Variants in ATRNL1 observed in about 807,000 individuals in gnomAD.
ATRNL1 encodes attractin-like protein 1.
Under a neutral mutation model 182.7 loss-of-function variants are expected in ATRNL1, and 95 were observed. The ratio of observed to expected loss-of-function variants is 0.52; its 90% CI spans 0.44 to 0.62. The LOEUF is 0.62. Ranked by LOEUF, ATRNL1 falls within the 20% of genes least tolerant of loss-of-function variation. The probability of loss-of-function intolerance (pLI) is 0.00; values close to 1 mark genes in which losing one functional copy is unlikely to be tolerated. For synonymous variants in ATRNL1, 576 were observed against 568.3 expected (o/e 1.01, Z -0.19); for missense variants, 1,471 against 1,679.5 (o/e 0.88, Z 2.17).
intron 9 of ATRNL1, among the ~76,000 whole-genome samples, chr10:115,237,404 G>A (rs1850232958): frequency 6.6e-6 from 1 of 152,164 alleles, no homozygotes; most frequent in Non-Finnish European, 1.5e-5. Flanking sequence ...TCTTTTGTCA[G>A]CATTTTAGAT....
chr10:115,742,377 A>G (rs1254054331), intron 27 of ATRNL1, among the ~76,000 whole-genome samples: 1 of 152,152 alleles, frequency 6.6e-6, no homozygotes, highest in Non-Finnish European at 1.5e-5. Context: ...TTATGGGTAA[A>G]GATGAAAGTA....
intron 27 of ATRNL1, among the ~76,000 whole-genome samples, chr10:115,738,126 ATTTTTTT>A (rs10546896): frequency 6.6e-4 from 31 of 47,112 alleles, no homozygotes; most frequent in East Asian, 2.6e-3. Context: ...GAAGATAATG[ATTTTTTT>A]TTTTTTTTTT....
chr10:115,118,430 A>G (rs1007164523), intron 1 of ATRNL1, among the ~76,000 whole-genome samples: 2 of 152,116 alleles, frequency 1.3e-5, no homozygotes, highest in African/African-American at 2.4e-5. Flanking sequence ...AGTACCATGT[A>G]TCTTCTGTTA....
rs139094953 is a variant in ATRNL1 at position 115,826,640 on chromosome 10, G to A, written c.3904-21237G>A. 7.4e-3 allele frequency among the ~76,000 whole-genome samples: 1,123 copies of A among 152,302 alleles called. 16 individuals are homozygous for A. The highest frequency in any genetic ancestry group is 0.026 in the African/African-American group (1,063 of 41,578). The stretch of plus-strand genomic sequence containing the variant: ...GGAATGAAGTCACGGACACCGGAGA[G>A]CGAGTAAGGCAGAATAGAATTTTAT... On this transcript the variant is annotated intron_variant, in intron 27 of 28. Transcript: ENST00000355044.
chr10:115,246,625 A>T lies in ATRNL1; in HGVS notation c.1687+4900A>T, dbSNP rs1242896080. Reference sequence around the variant, plus strand: ...TCGGACTGCGGACTGCAGTAGCGCAATCTCGGCTCACTGCAAGCTCCACTT... The same window carrying T: ...TCGGACTGCGGACTGCAGTAGCGCATTCTCGGCTCACTGCAAGCTCCACTT... On this transcript the variant is annotated intron_variant, in intron 10 of 28. Coordinates refer to ENST00000355044, the MANE Select transcript of ATRNL1 (RefSeq NM_207303.4). Among the ~76,000 whole-genome samples the T allele has an allele frequency of 4.0e-5, 5 of 125,608 alleles. 1 individual carries two copies. The highest frequency in any genetic ancestry group is 8.6e-5 in the Non-Finnish European group (5 of 58,000). 82.4% of individuals were successfully genotyped at this position (125,608 alleles called of 152,430 possible). A position where few individuals can be genotyped will look rare whatever the true frequency, so the allele number is the denominator to read the frequency against.
intron 28 of ATRNL1, among the ~76,000 whole-genome samples, chr10:115,904,100 G>A (rs1952432816): frequency 6.6e-6 from 1 of 152,126 alleles, no homozygotes; most frequent in Non-Finnish European, 1.5e-5. Context: ...TGATTGGGTA[G>A]CATGGTGCAG....
intron 27 of ATRNL1, among the ~76,000 whole-genome samples, chr10:115,754,907 A>T (rs574675469): frequency 9.9e-5 from 15 of 152,106 alleles, no homozygotes; most frequent in African/African-American, 3.6e-4. Flanking sequence ...TTGTTTTCCT[A>T]GGTATTTTAT....
intron 24 of ATRNL1, among the ~76,000 whole-genome samples, chr10:115,501,818 A>G (rs990710945): frequency 6.6e-6 from 1 of 152,170 alleles, no homozygotes. Flanking sequence ...CAGTCCATGC[A>G]GTTAATTCCT....
intron 6 of ATRNL1, among the ~76,000 whole-genome samples, chr10:115,164,599 T>A (rs1592196392): frequency 6.6e-6 from 1 of 152,176 alleles, no homozygotes; most frequent in East Asian, 1.9e-4. Context: ...ACTGATAAAT[T>A]GATAAAGAAA....
At chr10:115,633,146 A>G (rs1483004499) in intron 26 of ATRNL1, among the ~76,000 whole-genome samples, 1 of 151,996 alleles carries the variant, frequency 6.6e-6, no homozygotes, top group Non-Finnish European at 1.5e-5. Flanking sequence ...CCTCACCTCA[A>G]GTGATCCTCC....
chr10:115,568,273 A>G (rs1371878587), intron 26 of ATRNL1, among the ~76,000 whole-genome samples: 1 of 152,102 alleles, frequency 6.6e-6, no homozygotes, highest in East Asian at 1.9e-4. Context: ...TTCACAAGAT[A>G]CAGAATAAAT....
intron 26 of ATRNL1, among the ~76,000 whole-genome samples, chr10:115,620,991 G>A (rs112021933): frequency 5.0e-4 from 76 of 151,722 alleles, no homozygotes; most frequent in African/African-American, 1.8e-3. Context: ...GTTGAGTTAG[G>A]GGTTAATTCC....
intron 26 of ATRNL1, among the ~76,000 whole-genome samples, chr10:115,677,513 A>G (rs1484660278): frequency 6.6e-6 from 1 of 151,968 alleles, no homozygotes; most frequent in Admixed American, 6.6e-5. Flanking sequence ...TGTCTTTCCC[A>G]TGCTAGTCTC....
At chr10:115,675,411 GAAGAGA>G (rs1945829552) in intron 26 of ATRNL1, among the ~76,000 whole-genome samples, 1 of 152,052 alleles carries the variant, frequency 6.6e-6, no homozygotes, top group African/African-American at 2.4e-5. Flanking sequence ...ACAAGAAGTG[GAAGAGA>G]AAGAGAAAGA....
intron 22 of ATRNL1, 45 bp downstream of exon 22, chr10:115,462,080 ATT>A: frequency 1.4e-6 from 2 of 1,397,940 alleles, no homozygotes; most frequent in African/African-American, 1.5e-5. Flanking sequence ...ATTGGACACA[ATT>A]TTTTTTTCAT....
rs900228030 is a variant in ATRNL1, at chr10:115,694,303, G to A, written c.3796-32945G>A. 2.6e-5 allele frequency among the ~76,000 whole-genome samples: 4 copies of A among 151,660 alleles called. No homozygotes were observed. In the South Asian group the frequency reaches 6.2e-4, roughly 24 times the overall value. ...ATAGTAATAAATTACTGAAAAATATGGGCATATATGAATTCAAAAAATAAA... is the reference window on the plus strand; with the variant it reads ...ATAGTAATAAATTACTGAAAAATATAGGCATATATGAATTCAAAAAATAAA... On this transcript the variant is annotated intron_variant, in intron 26 of 28. Transcript: ENST00000355044.
intron 28 of ATRNL1, among the ~76,000 whole-genome samples, chr10:115,911,146 G>A (rs1555115814): frequency 2.6e-5 from 4 of 151,352 alleles, no homozygotes; most frequent in African/African-American, 9.7e-5. Flanking sequence ...CTACAGGCAG[G>A]CACCACCGTG....
intron 10 of ATRNL1, among the ~76,000 whole-genome samples, chr10:115,244,360 T>G (rs1174502380): frequency 5.9e-5 from 9 of 152,182 alleles, no homozygotes. Flanking sequence ...TCCCATTCTA[T>G]TATTGCATGA....
intron 15 of ATRNL1, among the ~76,000 whole-genome samples, chr10:115,297,972 T>C (rs1363759159): frequency 6.6e-6 from 1 of 152,146 alleles, no homozygotes; most frequent in Non-Finnish European, 1.5e-5. Flanking sequence ...TTAGACTTGA[T>C]AAGTTCATCA....
Sources: gnomAD v4.1 joint callset for allele counts (sites outside exome capture counted in the v4.1 genomes callset) on GRCh38, gnomAD v4.1.1 for gene constraint, MANE v1.5 for transcripts, NCBI Gene and HGNC (gene_info 2026-07-23, HGNC 2026-07-21) for gene names.